PTPRR: variants seen among roughly 807,000 people sequenced by gnomAD.
The protein encoded by PTPRR is receptor-type tyrosine-protein phosphatase R.
A neutral mutation model predicts 77.2 loss-of-function variants in PTPRR; 38 were observed. The observed-to-expected ratio is 0.49, with a 90% confidence interval of 0.38 to 0.65. PTPRR has a LOEUF of 0.65. PTPRR is among the 30% of genes least tolerant of loss of function. The pLI is 0.00. For missense variants in PTPRR, 744 were observed against 799.2 expected, an observed-to-expected ratio of 0.93 and a Z score of 0.83; for synonymous variants, 299 against 283.1, an observed-to-expected ratio of 1.06 and a Z score of -0.57.
chr12:70,910,000 T>C (rs943301481), intron 1 of PTPRR, among the ~76,000 whole-genome samples: 1 of 152,226 alleles, frequency 6.6e-6, no homozygotes, highest in Non-Finnish European at 1.5e-5. Context: ...AATTGGGACA[T>C]GCTTATTTGA....
At chr12:70,801,608 T>A (rs928900315) in intron 2 of PTPRR, among the ~76,000 whole-genome samples, 1 of 152,224 alleles carries the variant, frequency 6.6e-6, no homozygotes, top group Non-Finnish European at 1.5e-5. Context: ...ACTTGTATCA[T>A]CAGCTCTCCT....
At chr12:70,672,088 CT>C in intron 10 of PTPRR, 1 of 1,372,774 alleles carries the variant, frequency 7.3e-7, no homozygotes, top group South Asian at 1.2e-5. Flanking sequence ...ACCTCAATGC[CT>C]TTGACTCTAT....
Position 70,748,786 on chromosome 12 carries a change from A to T in PTPRR, c.739-2700T>A, listed in dbSNP as rs74973410. 1.8e-3 allele frequency among the ~76,000 whole-genome samples: 277 copies of T among 152,258 alleles called. 4 individuals carry two copies. The East Asian group carries it at 0.045, about 25-fold the overall frequency. On this transcript the variant is annotated intron_variant, in intron 5 of 13. Coordinates refer to ENST00000283228, the MANE Select transcript of PTPRR (RefSeq NM_002849.4). ...ATGCCACCAACCACTAGTCTTTAAC[A>T]TTTGTTCTTTACAGTGTTTTACAAT...
chr12:70,680,889 C>T (rs894817342), intron 10 of PTPRR, among the ~76,000 whole-genome samples: 1 of 152,118 alleles, frequency 6.6e-6, no homozygotes, highest in Admixed American at 6.6e-5. Flanking sequence ...AGGGGCTGGT[C>T]CACTGGTTTG....
chr12:70,823,538 T>C (rs1565709628), intron 2 of PTPRR, among the ~76,000 whole-genome samples: 2 of 152,204 alleles, frequency 1.3e-5, no homozygotes, highest in Non-Finnish European at 2.9e-5. Flanking sequence ...GTGTTTTTTT[T>C]GTTTTGTTTT....
intron 2 of PTPRR, among the ~76,000 whole-genome samples, chr12:70,832,850 A>C (rs570098934): frequency 6.6e-6 from 1 of 152,252 alleles, no homozygotes; most frequent in African/African-American, 2.4e-5. Flanking sequence ...GCTTCTACTC[A>C]TGGTGGGAGG....
intron 1 of PTPRR, among the ~76,000 whole-genome samples, chr12:70,915,542 T>A (rs1893762855): frequency 2.0e-5 from 3 of 152,240 alleles, no homozygotes; most frequent in African/African-American, 7.2e-5. Flanking sequence ...TAGCCATTCC[T>A]ACATGTACAA....
intron 1 of PTPRR, among the ~76,000 whole-genome samples, chr12:70,918,275 A>C (rs1893803778): frequency 6.6e-6 from 1 of 152,242 alleles, no homozygotes. Flanking sequence ...TTGGCAAGAG[A>C]ACTATAATAT....
intron 2 of PTPRR, among the ~76,000 whole-genome samples, chr12:70,809,992 G>T (rs78842758): frequency 2.0e-5 from 3 of 152,298 alleles, no homozygotes; most frequent in Non-Finnish European, 2.9e-5. Flanking sequence ...GAAATGGAAA[G>T]CATATTAGCA....
At chr12:70,829,228 GAGGA>G (rs901366759) in intron 2 of PTPRR, among the ~76,000 whole-genome samples, 7 of 149,330 alleles carry the variant, frequency 4.7e-5, no homozygotes, top group South Asian at 2.1e-4. Context: ...AAGAAGGAAA[GAGGA>G]AGGAAGGAAG....
At chr12:70,680,932 G>A (rs556233504) in intron 10 of PTPRR, among the ~76,000 whole-genome samples, 2 of 152,248 alleles carry the variant, frequency 1.3e-5, no homozygotes, top group African/African-American at 4.8e-5. Context: ...TGCATTCGCT[G>A]GTGAGCATGC....
intron 2 of PTPRR, among the ~76,000 whole-genome samples, chr12:70,788,097 T>C (rs1286845012): frequency 6.6e-6 from 1 of 152,210 alleles, no homozygotes; most frequent in African/African-American, 2.4e-5. Context: ...CACCTCAGGA[T>C]AGCACTTTCT....
In PTPRR at chr12:70,802,815, A is replaced by G. The variant is rs1375878095; in HGVS notation, c.358-38037T>C. The stretch of plus-strand genomic sequence containing the variant: ...TATATGATTCTGTGAGACTATAAAT[A>G]AGTAATTACTTTCAGTATTGAATAA... On this transcript the variant is annotated intron_variant, in intron 2 of 13. Coordinates refer to ENST00000283228, the MANE Select transcript of PTPRR (RefSeq NM_002849.4). 2.0e-5 allele frequency among the ~76,000 whole-genome samples: 3 copies of G among 152,196 alleles called. No homozygotes were observed. The East Asian group carries it at 5.8e-4, about 29-fold the overall frequency.
chr12:70,728,026 CT>C (rs1889505681), intron 6 of PTPRR, among the ~76,000 whole-genome samples: 1 of 147,926 alleles, frequency 6.8e-6, no homozygotes, highest in Non-Finnish European at 1.5e-5. Context: ...TAGCCTACCT[CT>C]TCCCTAAGGC....
chr12:70,808,655 G>A (rs1044675522), intron 2 of PTPRR, among the ~76,000 whole-genome samples: 4 of 152,102 alleles, frequency 2.6e-5, no homozygotes, highest in South Asian at 2.1e-4. Flanking sequence ...AAGCAATAAA[G>A]GTCCTCTATG....
chr12:70,697,442 G>A (rs999908247), intron 8 of PTPRR, among the ~76,000 whole-genome samples: 1 of 152,048 alleles, frequency 6.6e-6, no homozygotes, highest in Admixed American at 6.6e-5. Context: ...TGTAAGATTT[G>A]CGTATTGTAG....
chr12:70,692,227 T>C (rs1276135496), intron 8 of PTPRR, among the ~76,000 whole-genome samples: 1 of 152,186 alleles, frequency 6.6e-6, no homozygotes, highest in Admixed American at 6.5e-5. Flanking sequence ...AATTTTATTA[T>C]ACCTACTGTA....
At chr12:70,775,914 CT>C (rs1303936416) in intron 2 of PTPRR, among the ~76,000 whole-genome samples, 2 of 152,136 alleles carry the variant, frequency 1.3e-5, no homozygotes, top group African/African-American at 4.8e-5. Flanking sequence ...GAACGCTGAC[CT>C]GTTAGAGACA....
intron 6 of PTPRR, among the ~76,000 whole-genome samples, chr12:70,707,421 A>T (rs943826696): frequency 2.1e-5 from 3 of 145,378 alleles, no homozygotes; most frequent in Non-Finnish European, 1.5e-5. Context: ...TTTACTTTTT[A>T]AAAAAACTAT....
Sources: allele counts gnomAD v4.1 joint callset (sites outside exome capture counted in the v4.1 genomes callset), GRCh38; gene constraint gnomAD v4.1.1; transcripts MANE v1.5; gene names NCBI Gene and HGNC (gene_info 2026-07-23, HGNC 2026-07-21).